Variants in CPNE4 observed in about 807,000 individuals in gnomAD.
The protein encoded by CPNE4 is copine 4, also known as copine-4.
Under a neutral mutation model 67.9 loss-of-function variants are expected in CPNE4, and 25 were observed. That is an observed-to-expected ratio of 0.37 (90% confidence interval 0.27 to 0.51). CPNE4 has a LOEUF of 0.51. CPNE4 is among the 20% of genes least tolerant of loss of function. The probability of loss-of-function intolerance (pLI) is 0.93; values close to 1 mark genes in which losing one functional copy is unlikely to be tolerated. For missense variants in CPNE4, 464 were observed against 690.8 expected (o/e 0.67, Z 3.68); for synonymous variants, 242 against 244.9 (o/e 0.99, Z 0.11).
At chr3:131,697,534 A>C (rs2081183539) in intron 4 of CPNE4, among the ~76,000 whole-genome samples, 1 of 152,346 alleles carries the variant, frequency 6.6e-6, no homozygotes, top group South Asian at 2.1e-4. Context: ...AATATTCCAA[A>C]TATTTTGGAA....
intron 7 of CPNE4, among the ~76,000 whole-genome samples, chr3:131,628,396 C>A (rs1435288539): frequency 6.6e-6 from 1 of 152,198 alleles, no homozygotes; most frequent in Non-Finnish European, 1.5e-5. Flanking sequence ...AAAGCAGAAA[C>A]CGCTGATAAG....
chr3:131,862,716 T>TA (rs2086740750), intron 2 of CPNE4, among the ~76,000 whole-genome samples: 10 of 148,954 alleles, frequency 6.7e-5, no homozygotes, highest in South Asian at 2.1e-4. Flanking sequence ...TATATATATA[T>TA]TTTTATTATA....
intron 2 of CPNE4, among the ~76,000 whole-genome samples, chr3:131,817,114 T>C (rs1175927959): frequency 1.1e-4 from 17 of 152,058 alleles, no homozygotes. Flanking sequence ...TGGGAAAGGA[T>C]GAGGAGGTGC....
At chr3:131,585,858 G>A (rs189270755) in intron 8 of CPNE4, among the ~76,000 whole-genome samples, 1 of 152,210 alleles carries the variant, frequency 6.6e-6, no homozygotes, top group Non-Finnish European at 1.5e-5. Context: ...TCTGCATCCT[G>A]GCTTGTGGGT....
At chr3:131,847,298 C>A (rs1224638085) in intron 2 of CPNE4, among the ~76,000 whole-genome samples, 1 of 152,116 alleles carries the variant, frequency 6.6e-6, no homozygotes, top group African/African-American at 2.4e-5. Context: ...TATACATATG[C>A]CCTTTACCTC....
intron 2 of CPNE4, among the ~76,000 whole-genome samples, chr3:131,734,985 A>G (rs1256018172): frequency 6.6e-6 from 1 of 152,142 alleles, no homozygotes; most frequent in East Asian, 1.9e-4. Flanking sequence ...TTCCTGGTGC[A>G]GTTCTCATCT....
At chr3:131,905,561 G>T in intron 1 of CPNE4, 117 bp from the exon 2 acceptor site, 1 of 888,050 alleles carries the variant, frequency 1.1e-6, no homozygotes, top group Non-Finnish European at 1.7e-6. Flanking sequence ...TTCAAACATT[G>T]AAGGTATTTA....
chr3:131,867,841 C>T (rs2087021526), intron 2 of CPNE4, among the ~76,000 whole-genome samples: 1 of 152,112 alleles, frequency 6.6e-6, no homozygotes, highest in Non-Finnish European at 1.5e-5. Flanking sequence ...TCTCTTGGTC[C>T]TCTTCATCCT....
intron 7 of CPNE4, among the ~76,000 whole-genome samples, chr3:131,665,251 T>C (rs1335251638): frequency 1.3e-5 from 2 of 152,072 alleles, no homozygotes; most frequent in Admixed American, 6.6e-5. Context: ...AATTTTCTAC[T>C]ATGTTCATGA....
intron 2 of CPNE4, among the ~76,000 whole-genome samples, chr3:131,866,908 C>T (rs1043808747): frequency 3.9e-5 from 6 of 152,132 alleles, no homozygotes; most frequent in African/African-American, 9.7e-5. Flanking sequence ...ACAGAGAACA[C>T]GTTGCTGGGA....
chr3:131,886,629 G>T (rs1263100391), intron 2 of CPNE4, among the ~76,000 whole-genome samples: 1 of 152,218 alleles, frequency 6.6e-6, no homozygotes, highest in Non-Finnish European at 1.5e-5. Context: ...CTGGGAGGGA[G>T]GCTGTACCCT....
At chr3:131,882,140 A>G (rs1483242218) in intron 2 of CPNE4, among the ~76,000 whole-genome samples, 4 of 17,102 alleles carry the variant, frequency 2.3e-4, no homozygotes, top group African/African-American at 1.5e-3. Flanking sequence ...GTTCTAATAC[A>G]CACACACACA....
chr3:131,923,427 G>A (rs1227241014), intron 1 of CPNE4, among the ~76,000 whole-genome samples: 2 of 152,130 alleles, frequency 1.3e-5, no homozygotes, highest in Non-Finnish European at 2.9e-5. Flanking sequence ...AGAACTGGCT[G>A]GGCGCAGTGG....
At chr3:131,853,247 T>C (rs1446691955) in intron 2 of CPNE4, among the ~76,000 whole-genome samples, 1 of 151,742 alleles carries the variant, frequency 6.6e-6, no homozygotes, top group Non-Finnish European at 1.5e-5. Context: ...AAGGATGGAG[T>C]TTAGAAATGA....
chr3:131,744,535 T>C (rs919234274), intron 2 of CPNE4, among the ~76,000 whole-genome samples: 1 of 152,184 alleles, frequency 6.6e-6, no homozygotes, highest in East Asian at 1.9e-4. Flanking sequence ...AATATTTCCA[T>C]CCCCACAAGG....
chr3:131,962,806 C>T (rs2072222839), intron 1 of CPNE4, among the ~76,000 whole-genome samples: 2 of 151,704 alleles, frequency 1.3e-5, no homozygotes, highest in African/African-American at 2.4e-5. Context: ...TTAAAAAGTC[C>T]CTGATTCAAA....
At chr3:131,846,453 A>G (rs2086001413) in intron 2 of CPNE4, among the ~76,000 whole-genome samples, 1 of 152,296 alleles carries the variant, frequency 6.6e-6, no homozygotes, top group Admixed American at 6.5e-5. Flanking sequence ...CTTTACCTGT[A>G]AAAACCCATT....
intron 2 of CPNE4, among the ~76,000 whole-genome samples, chr3:131,786,428 C>T (rs2083564445): frequency 6.6e-6 from 1 of 152,158 alleles, no homozygotes; most frequent in African/African-American, 2.4e-5. Context: ...AAAAATAACA[C>T]TGATATTGAC....
At chr3:131,601,632 G>A (rs1026943364) in intron 7 of CPNE4, among the ~76,000 whole-genome samples, 9 of 152,158 alleles carry the variant, frequency 5.9e-5, no homozygotes, top group African/African-American at 2.2e-4. Flanking sequence ...GACAGGTAGA[G>A]CAGGAAAATT....
Sources: allele counts gnomAD v4.1 joint callset (sites outside exome capture counted in the v4.1 genomes callset), GRCh38; gene constraint gnomAD v4.1.1; transcripts MANE v1.5; gene names NCBI Gene and HGNC (gene_info 2026-07-23, HGNC 2026-07-21).